PRMT8: variants seen among roughly 807,000 people sequenced by gnomAD.
PRMT8 encodes the protein protein arginine methyltransferase 8.
In PRMT8, 7 loss-of-function variants were observed where a neutral mutation model predicts 47.1. That is an observed-to-expected ratio of 0.15 (90% confidence interval 0.08 to 0.28). PRMT8 has a LOEUF of 0.28. Ranked by LOEUF, PRMT8 falls within the 10% of genes least tolerant of loss-of-function variation. PRMT8 has a pLI of 1.00. For missense variants in PRMT8, 237 were observed against 505.4 expected (o/e 0.47, Z 5.09); for synonymous variants, 188 against 186.5 (o/e 1.01, Z -0.07).
chr12:3,539,072 C>T (rs1039539435), intron 1 of PRMT8, among the ~76,000 whole-genome samples: 1 of 152,184 alleles, frequency 6.6e-6, no homozygotes. Flanking sequence ...TCCTAGGATT[C>T]CCCTGTTTCT....
chr12:3,557,999 T>A lies in PRMT8; in HGVS notation c.481+4285T>A, dbSNP rs1866557609. Among the ~76,000 whole-genome samples the A allele has an allele frequency of 6.6e-6, 1 of 152,110 alleles. No homozygotes were observed. Among genetic ancestry groups the A allele is most frequent in the African/African-American group, 2.4e-5 (1 of 41,408 alleles). On this transcript the variant is annotated intron_variant, in intron 4 of 9. Coordinates refer to ENST00000382622, the MANE Select transcript of PRMT8 (RefSeq NM_019854.5). This position sits in a 1 kb window ranked among gnomAD's most constrained non-coding sequence, Gnocchi z 4.7. ...CCCTGACTCTTCGTCTCCCTCTCAG[T>A]GCCAGCCCACCCCCAGTAAATGTCT...
chr12:3,477,390 G>T (rs1202515997), intron 1 of PRMT8, among the ~76,000 whole-genome samples: 1 of 152,226 alleles, frequency 6.6e-6, no homozygotes, highest in Non-Finnish European at 1.5e-5. Flanking sequence ...GAAACCAAGA[G>T]GTATAACCTG....
chr12:3,440,334 C>T (rs1027502854), intron 1 of PRMT8, among the ~76,000 whole-genome samples: 1 of 151,964 alleles, frequency 6.6e-6, no homozygotes, highest in Non-Finnish European at 1.5e-5. Flanking sequence ...TGGCAGCACG[C>T]GGCTGTAGTC....
rs1236200928 is a variant in PRMT8, at chr12:3,576,029, T to TTA, written c.713-840_713-839dup. ...CTCCAAAAAAAGAAAAAGATAGCAA[T>TTA]TATTACCATATTAAGGGTGATCCTG... On this transcript the variant is annotated intron_variant, in intron 6 of 9. Transcript: ENST00000382622. This position sits in a 1 kb window ranked among gnomAD's most constrained non-coding sequence, Gnocchi z 4.0. 2.0e-5 allele frequency among the ~76,000 whole-genome samples: 3 copies of TTA among 152,092 alleles called. No individual in the cohort carries two copies. The highest frequency in any genetic ancestry group is 4.4e-5 in the Non-Finnish European group (3 of 67,998).
At position 3,492,605 on chromosome 12, in the gene PRMT8, G is replaced by T. The variant is rs1186664340; in HGVS notation, c.75+905G>T. Among the ~76,000 whole-genome samples the T allele has an allele frequency of 6.6e-6, 1 of 152,164 alleles. No homozygotes were observed. The highest frequency in any genetic ancestry group is 6.5e-5 in the Admixed American group (1 of 15,282). On this transcript the variant is annotated intron_variant, in intron 1 of 9. Coordinates refer to ENST00000382622, the MANE Select transcript of PRMT8 (RefSeq NM_019854.5). The surrounding 1 kb of genome is among the most constrained non-coding windows in gnomAD (Gnocchi z 7.5). ...CGCAGAGAGCCCTGCTGGGCTTTGC[G>T]TCCCGAGACTCGAGGCTGTGATCCC...
intron 1 of PRMT8, among the ~76,000 whole-genome samples, chr12:3,386,169 T>A (rs1430461940): frequency 6.6e-6 from 1 of 152,234 alleles, no homozygotes; most frequent in Non-Finnish European, 1.5e-5. Context: ...CATGGCGATA[T>A]CTTACTGTCT....
At chr12:3,515,433 T>C (rs1187457123) in intron 1 of PRMT8, among the ~76,000 whole-genome samples, 1 of 152,170 alleles carries the variant, frequency 6.6e-6, no homozygotes, top group Non-Finnish European at 1.5e-5. Context: ...AGTTAATGGG[T>C]GCAGCACACC....
Position 3,508,254 on chromosome 12 carries a change from G to A in PRMT8, c.75+16554G>A, listed in dbSNP as rs1024198190. Among the ~76,000 whole-genome samples, 1 of 152,210 alleles carries A rather than the reference G, an allele frequency of 6.6e-6. No individual in the cohort carries two copies. The highest frequency in any genetic ancestry group is 1.5e-5 in the Non-Finnish European group (1 of 68,028). Reference sequence around the variant, plus strand: ...AAGTAGATATAAATGACCTATTCCAGACAGACTGCAGGGTGTCGGGATGTT... The same window carrying A: ...AAGTAGATATAAATGACCTATTCCAAACAGACTGCAGGGTGTCGGGATGTT... On this transcript the variant is annotated intron_variant, in intron 1 of 9. Coordinates refer to ENST00000382622, the MANE Select transcript of PRMT8 (RefSeq NM_019854.5). The surrounding 1 kb of genome is among the most constrained non-coding windows in gnomAD (Gnocchi z 4.9).
intron 1 of PRMT8, among the ~76,000 whole-genome samples, chr12:3,434,396 C>T (rs1864715695): frequency 6.6e-6 from 1 of 152,184 alleles, no homozygotes. Context: ...AGCAGGCCAC[C>T]GTTCTCCTTG....
intron 1 of PRMT8, among the ~76,000 whole-genome samples, chr12:3,419,751 C>T (rs973761744): frequency 6.6e-6 from 1 of 151,920 alleles, no homozygotes; most frequent in Non-Finnish European, 1.5e-5. Context: ...AAAACCCTTC[C>T]AGGGCTCTCA....
At chr12:3,519,329 G>A (rs1328948850) in intron 1 of PRMT8, among the ~76,000 whole-genome samples, 5 of 152,164 alleles carry the variant, frequency 3.3e-5, no homozygotes, top group African/African-American at 1.2e-4. Flanking sequence ...GAAAAATAAT[G>A]GAAAAGGAAG....
chr12:3,579,445 G>A (rs1170042798), intron 7 of PRMT8, among the ~76,000 whole-genome samples: 1 of 152,230 alleles, frequency 6.6e-6, no homozygotes, highest in African/African-American at 2.4e-5. Context: ...GGGCAAAGCA[G>A]CCAAGGAGCG....
At position 3,508,564 on chromosome 12, in the gene PRMT8, G is replaced by A. The variant is rs1220829132; in HGVS notation, c.75+16864G>A. Among the ~76,000 whole-genome samples the A allele has an allele frequency of 6.6e-6, 1 of 152,180 alleles. No homozygotes were observed. The highest frequency in any genetic ancestry group is 2.4e-5 in the African/African-American group (1 of 41,450). On this transcript the variant is annotated intron_variant, in intron 1 of 9. Coordinates refer to ENST00000382622, the MANE Select transcript of PRMT8 (RefSeq NM_019854.5). The surrounding 1 kb of genome is among the most constrained non-coding windows in gnomAD (Gnocchi z 4.9). ...AGATCCGAGTTTTAGGGTCAGAGAC[G>A]TTATGCAGCCCTGACTTTGCAGCTG...
At chr12:3,539,165 T>C (rs1024962281) in intron 1 of PRMT8, among the ~76,000 whole-genome samples, 6 of 152,226 alleles carry the variant, frequency 3.9e-5, no homozygotes, top group Admixed American at 1.3e-4. Context: ...ACATGATGTA[T>C]GTAATAATCA....
At chr12:3,395,407 T>C (rs1457630426) in intron 1 of PRMT8, among the ~76,000 whole-genome samples, 4 of 150,252 alleles carry the variant, frequency 2.7e-5, no homozygotes, top group Non-Finnish European at 6.0e-5. Context: ...TTCTGGTATG[T>C]TGTGTCTTTG....
intron 1 of PRMT8, among the ~76,000 whole-genome samples, chr12:3,480,679 G>GCTTT (rs751227836): frequency 4.1e-4 from 63 of 152,166 alleles, no homozygotes; most frequent in Non-Finnish European, 8.5e-4. Flanking sequence ...ATAGCTTCAT[G>GCTTT]CTTTCTCTGA....
rs1349619847 is a variant in PRMT8 at position 3,493,664 on chromosome 12, C to A, written c.75+1964C>A. 6.6e-6 allele frequency among the ~76,000 whole-genome samples: 1 copy of A among 152,228 alleles called. No homozygotes were observed. The highest frequency in any genetic ancestry group is 1.5e-5 in the Non-Finnish European group (1 of 68,044). On this transcript the variant is annotated intron_variant, in intron 1 of 9. Coordinates refer to ENST00000382622, the MANE Select transcript of PRMT8 (RefSeq NM_019854.5). The surrounding 1 kb of genome is among the most constrained non-coding windows in gnomAD (Gnocchi z 8.2). ...TCCGGAGCAGGCAGAGCGCCGCGCGCCAGTCTATTTTTACTTGCTTCCCCC... is the reference window on the plus strand; with the variant it reads ...TCCGGAGCAGGCAGAGCGCCGCGCGACAGTCTATTTTTACTTGCTTCCCCC...
chr12:3,509,625 G>A (rs1240256930), intron 1 of PRMT8, among the ~76,000 whole-genome samples: 1 of 152,016 alleles, frequency 6.6e-6, no homozygotes. Flanking sequence ...TACCTTTCCT[G>A]TATGAAAAAA....
chr12:3,559,725 C>T (rs1016800988), intron 4 of PRMT8, among the ~76,000 whole-genome samples: 2 of 152,218 alleles, frequency 1.3e-5, no homozygotes, highest in Non-Finnish European at 2.9e-5. Context: ...AGGCAGATGT[C>T]TGTCACCCCA....
Sources: gnomAD v4.1 joint callset for allele counts (sites outside exome capture counted in the v4.1 genomes callset) on GRCh38, gnomAD v4.1.1 for gene constraint, Gnocchi (gnomAD v3.1) non-coding constraint, MANE v1.5 for transcripts, NCBI Gene and HGNC (gene_info 2026-07-23, HGNC 2026-07-21) for gene names.